Variants in PRKCE observed in about 807,000 individuals in gnomAD.
The protein encoded by PRKCE is protein kinase C epsilon, also known as protein kinase C epsilon type.
Under a neutral mutation model 85.4 loss-of-function variants are expected in PRKCE, and 16 were observed. That is an observed-to-expected ratio of 0.19 (90% CI 0.13 to 0.28). The LOEUF (loss-of-function observed/expected upper bound fraction) is 0.28, where lower values mean the gene tolerates loss of function less well. Ranked by LOEUF, PRKCE falls within the 10% of genes least tolerant of loss-of-function variation. The probability of loss-of-function intolerance (pLI) is 1.00; values close to 1 mark genes in which losing one functional copy is unlikely to be tolerated. For synonymous variants in PRKCE, 388 were observed against 371.5 expected, an observed-to-expected ratio of 1.04 and a Z score of -0.51; for missense variants, 573 against 975.2, an observed-to-expected ratio of 0.59 and a Z score of 5.49.
chr2:45,690,669 A>G (rs1677658262), intron 1 of PRKCE, among the ~76,000 whole-genome samples: 1 of 152,266 alleles, frequency 6.6e-6, no homozygotes, highest in Non-Finnish European at 1.5e-5. Context: ...CTTAAAGAGA[A>G]GGCTGTGTAT....
chr2:45,838,217 G>T (rs977851457), intron 1 of PRKCE, among the ~76,000 whole-genome samples: 2 of 152,196 alleles, frequency 1.3e-5, no homozygotes, highest in African/African-American at 4.8e-5. Context: ...GGGACGGGAG[G>T]GTTGAAGGAA....
At chr2:46,030,074 C>G (rs1373184126) in intron 10 of PRKCE, among the ~76,000 whole-genome samples, 2 of 152,184 alleles carry the variant, frequency 1.3e-5, no homozygotes, top group African/African-American at 2.4e-5. Context: ...AAAAGCCTCA[C>G]TTGCAAAACT....
chr2:45,880,822 G>A (rs1469819434), intron 2 of PRKCE, among the ~76,000 whole-genome samples: 1 of 152,184 alleles, frequency 6.6e-6, no homozygotes, highest in Non-Finnish European at 1.5e-5. Context: ...CAGTAAGTAC[G>A]AACTAGATAT....
chr2:45,971,838 A>AT (rs1466120013), intron 2 of PRKCE, among the ~76,000 whole-genome samples: 3 of 152,186 alleles, frequency 2.0e-5, no homozygotes, highest in African/African-American at 7.2e-5. Context: ...AATACACCAT[A>AT]TATTTTTTTA....
chr2:46,089,224 C>G (rs532368908), intron 11 of PRKCE, among the ~76,000 whole-genome samples: 2 of 152,178 alleles, frequency 1.3e-5, no homozygotes, highest in Non-Finnish European at 2.9e-5. Context: ...CAATTTCAAC[C>G]TTCGCATGGC....
intron 2 of PRKCE, among the ~76,000 whole-genome samples, chr2:45,940,656 G>A (rs964424836): frequency 6.6e-6 from 1 of 152,192 alleles, no homozygotes; most frequent in African/African-American, 2.4e-5. Context: ...GCGCTCACAA[G>A]TGTTCACTCT....
chr2:45,862,685 G>A (rs1020264309), intron 2 of PRKCE, among the ~76,000 whole-genome samples: 2 of 152,162 alleles, frequency 1.3e-5, no homozygotes, highest in African/African-American at 2.4e-5. Context: ...GTCACAATGC[G>A]CAGGGCTTTG....
intron 2 of PRKCE, among the ~76,000 whole-genome samples, chr2:45,926,264 G>A (rs1649464385): frequency 6.6e-6 from 1 of 152,224 alleles, no homozygotes; most frequent in Non-Finnish European, 1.5e-5. Context: ...CCAGGGCCAT[G>A]GCAAGAGGAA....
chr2:46,015,923 A>G (rs913884006), intron 10 of PRKCE, among the ~76,000 whole-genome samples: 2 of 152,204 alleles, frequency 1.3e-5, no homozygotes, highest in African/African-American at 4.8e-5. Context: ...GAGATGCTCA[A>G]CACAATGAGT....
intron 1 of PRKCE, among the ~76,000 whole-genome samples, chr2:45,692,332 T>C (rs1250796621): frequency 6.6e-6 from 1 of 152,118 alleles, no homozygotes; most frequent in Non-Finnish European, 1.5e-5. Flanking sequence ...AGTTTTTTCT[T>C]GTCATTTCCA....
In PRKCE at chr2:45,905,643, C is replaced by T. The variant is rs1316415889; in HGVS notation, c.412+62580C>T. 6.6e-6 allele frequency among the ~76,000 whole-genome samples: 1 copy of T among 152,116 alleles called. No homozygotes were observed. Among genetic ancestry groups the T allele is most frequent in the Non-Finnish European group, 1.5e-5 (1 of 68,012 alleles). ...CCTTTCTAAGGGGCTGAGGGCTGGC[C>T]GGGGCCCTAGCTGGGGAACCTCTGA... is the stretch of plus-strand genomic sequence containing the variant. On this transcript the variant is annotated intron_variant, in intron 2 of 14. Coordinates refer to ENST00000306156, the MANE Select transcript of PRKCE (RefSeq NM_005400.3). This position sits in a 1 kb window ranked among gnomAD's most constrained non-coding sequence, Gnocchi z 4.4.
chr2:45,989,196 C>A (rs1449310044), intron 6 of PRKCE, among the ~76,000 whole-genome samples: 1 of 152,194 alleles, frequency 6.6e-6, no homozygotes, highest in Non-Finnish European at 1.5e-5. Context: ...CACCTGCTGT[C>A]CTCCAGGACA....
intron 2 of PRKCE, among the ~76,000 whole-genome samples, chr2:45,871,817 T>TC (rs1446290058): frequency 6.6e-6 from 1 of 152,050 alleles, no homozygotes; most frequent in African/African-American, 2.4e-5. Context: ...CAGCCTTCTT[T>TC]CCCCCCTGCC....
intron 10 of PRKCE, among the ~76,000 whole-genome samples, chr2:46,012,499 G>A (rs1705769614): frequency 6.6e-6 from 1 of 152,080 alleles, no homozygotes; most frequent in Non-Finnish European, 1.5e-5. Flanking sequence ...TCCAGCACAG[G>A]GTCCCTTCTG....
At chr2:45,723,579 G>C (rs763453142) in intron 1 of PRKCE, among the ~76,000 whole-genome samples, 14 of 151,908 alleles carry the variant, frequency 9.2e-5, no homozygotes, top group African/African-American at 2.7e-4. Context: ...CAGCTCACTG[G>C]TTTAACATTC....
chr2:45,775,681 A>G (rs1481715310), intron 1 of PRKCE, among the ~76,000 whole-genome samples: 1 of 151,988 alleles, frequency 6.6e-6, no homozygotes, highest in Non-Finnish European at 1.5e-5. Context: ...GTCACCTCCT[A>G]ATGGGTCTCT....
At chr2:45,828,276 G>T (rs980202148) in intron 1 of PRKCE, among the ~76,000 whole-genome samples, 15 of 152,338 alleles carry the variant, frequency 9.8e-5, no homozygotes, top group African/African-American at 3.4e-4. Context: ...AAACTCTATT[G>T]ATAATCCCAA....
At chr2:46,156,473 A>C (rs1677213781) in intron 13 of PRKCE, among the ~76,000 whole-genome samples, 1 of 152,214 alleles carries the variant, frequency 6.6e-6, no homozygotes, top group African/African-American at 2.4e-5. Context: ...ACCGTGTCTC[A>C]TCACTCACCA....
intron 1 of PRKCE, among the ~76,000 whole-genome samples, chr2:45,666,411 G>C (rs999902419): frequency 2.6e-5 from 4 of 151,806 alleles, no homozygotes; most frequent in African/African-American, 9.7e-5. Context: ...CAGACATCCA[G>C]GGCCCTGTGT....
Sources: allele counts gnomAD v4.1 joint callset (sites outside exome capture counted in the v4.1 genomes callset), GRCh38; gene constraint gnomAD v4.1.1; non-coding constraint Gnocchi (gnomAD v3.1); transcripts MANE v1.5; gene names NCBI Gene and HGNC (gene_info 2026-07-23, HGNC 2026-07-21).